Variants in TRMT2A observed in about 807,000 individuals in gnomAD.
The protein encoded by TRMT2A is tRNA (uracil-5-)-methyltransferase homolog A.
Under a neutral mutation model 59.3 loss-of-function variants are expected in TRMT2A, and 60 were observed. The observed-to-expected ratio is 1.01, with a 90% CI of 0.82 to 1.26. TRMT2A has a LOEUF of 1.26. Among genes scored for constraint, TRMT2A ranks in the 50% most tolerant of loss-of-function variants. The probability of loss-of-function intolerance (pLI) is 0.00; values close to 1 mark genes in which losing one functional copy is unlikely to be tolerated. For missense variants in TRMT2A, 863 were observed against 845.2 expected, an observed-to-expected ratio of 1.02 and a Z score of -0.26; for synonymous variants, 403 against 353.7, an observed-to-expected ratio of 1.14 and a Z score of -1.56.
In TRMT2A at chr22:20,114,674, C is replaced by T; in HGVS notation, c.1133G>A (p.Ser378Asn). The change falls in exon 7 of 12, where the codon AGC becomes AAC. Residue 378 changes from serine (S) to asparagine (N), a missense_variant. By Grantham distance (46) the Ser-to-Asn change is conservative. Transcript: ENST00000252136. ...ATGCTCCAGGGGCAGGCCCTCCTGG[C>T]TAGGAGTCTTTCTGTGGGCGAAGGT... ...FVEEGQRKTP[S>N]QEGLPLEHVA... 2 of 1,613,546 alleles carry T rather than the reference C, an allele frequency of 1.2e-6. No homozygotes were observed. The highest frequency in any genetic ancestry group is 1.7e-6 in the Non-Finnish European group (2 of 1,179,998).
chr22:20,114,763 C>A lies in TRMT2A; in HGVS notation c.1119G>T (p.Gln373His). Reference protein sequence around the residue: ...VTCLYFVEEGQRKTPSQEGLP... With the variant: ...VTCLYFVEEGHRKTPSQEGLP... ...CCCGCCCCACTCGGGCTCCTTACCG[C>A]TGTCCCTCCTCCACGAAGTAGAGGC... Residue 373 changes from glutamine to histidine, a missense_variant and splice_region_variant, in exon 6 of 12, where the codon CAG becomes CAT. Gln to His is a conservative substitution (Grantham distance 24, BLOSUM62 0). Coordinates refer to ENST00000252136, the MANE Select transcript of TRMT2A (RefSeq NM_022727.6). The A allele has an allele frequency of 6.2e-7, 1 of 1,612,240 alleles. No homozygotes were observed. Among genetic ancestry groups the A allele is most frequent in the Non-Finnish European group, 8.5e-7 (1 of 1,179,758 alleles).
In TRMT2A at chr22:20,113,475, G is replaced by A. The variant is rs1349751439; in HGVS notation, c.1389C>T (p.Cys463=). ...KVKRVIGVEL[C]PEAVEDARVN... ...CCCGGGCGTCCTCCACAGCCTCTGG[G>A]CATAGCTCGACCCCAATGACCCTCT... The change falls in exon 9 of 12, where the codon TGC becomes TGT. Residue 463 remains cysteine, a synonymous_variant. Coordinates refer to ENST00000252136, the MANE Select transcript of TRMT2A (RefSeq NM_022727.6). The A allele has an allele frequency of 6.2e-7, 1 of 1,613,454 alleles. No individual in the cohort carries two copies. The highest frequency in any genetic ancestry group is 2.2e-5 in the East Asian group (1 of 44,856).
intron 1 of TRMT2A, 62 bp from the exon 2 acceptor site, chr22:20,116,674 G>A: frequency 6.7e-7 from 1 of 1,497,282 alleles, no homozygotes; most frequent in Non-Finnish European, 8.9e-7. Flanking sequence ...GGCCCCCCAA[G>A]CTTCCTTATG....
At chr22:20,113,958 T>C in intron 7 of TRMT2A, 150 bp from the exon 8 acceptor site, 1 of 1,161,904 alleles carries the variant, frequency 8.6e-7, no homozygotes, top group Non-Finnish European at 1.2e-6. Flanking sequence ...TGACCCCACC[T>C]TGGACCAGCC....
In TRMT2A at chr22:20,116,043, A is replaced by C. The variant is rs758633218; in HGVS notation, c.594T>G (p.Leu198=). 1.9e-6 allele frequency: 3 copies of C among 1,554,134 alleles called. No homozygotes were observed. The highest frequency in any genetic ancestry group is 2.6e-6 in the Non-Finnish European group (3 of 1,146,802). Residue 198 remains leucine, a synonymous_variant, in exon 2 of 12, where the codon CTT becomes CTG. Transcript: ENST00000252136. ...QLECEQVLQK[L]AKEIGSTNRA... is the part of the protein sequence containing the mutation. ...CGTCTTGCGCCCACACTCACTTGGC[A>C]AGTTTCTGCAGCACCTGCTCGCACT...
intron 2 of TRMT2A, 76 bp downstream of exon 2, chr22:20,115,962 T>C: frequency 1.3e-6 from 2 of 1,491,070 alleles, no homozygotes; most frequent in East Asian, 4.6e-5. Context: ...GCCTCCCAAC[T>C]GGTGCATGGA....
At chr22:20,115,190 A>C in intron 4 of TRMT2A, 76 bp downstream of exon 4, 1 of 1,581,050 alleles carries the variant, frequency 6.3e-7, no homozygotes, top group African/African-American at 1.3e-5. Context: ...GCACTCCAGA[A>C]TTCCCGGGGC....
In TRMT2A at chr22:20,116,907, C is replaced by A; in HGVS notation, c.-1G>T. 6.3e-7 allele frequency: 1 copy of A among 1,581,566 alleles called. No individual in the cohort carries two copies. Among genetic ancestry groups the A allele is most frequent in the African/African-American group, 1.4e-5 (1 of 73,974 alleles). On this transcript the variant is annotated 5_prime_UTR_variant, in exon 1 of 12. Transcript: ENST00000252136. ...CCTCGTTGTCGAGGTTCTCACTCAT[C>A]GCCCAGGCGGTTCTCCGCCTAGACC...
In TRMT2A at chr22:20,115,350, G is replaced by A. The variant is rs779580149; in HGVS notation, c.806C>T (p.Thr269Met). ...GTCAAACGGGGCTGCCACAGCACAC[G>A]TCCCGCCCTTGTACTTGCCGAGCCG... Reference protein sequence around the residue: ...GCRLGKYKGGTCAVAAPFDTV... With the variant: ...GCRLGKYKGGMCAVAAPFDTV... Residue 269 changes from threonine to methionine, a missense_variant, in exon 4 of 12, where the codon ACG (threonine) becomes ATG (methionine). Transcript: ENST00000252136. The A allele has an allele frequency of 1.2e-5, 20 of 1,612,620 alleles. No individual in the cohort carries two copies. Among genetic ancestry groups the A allele is most frequent in the African/African-American group, 9.3e-5 (7 of 74,884 alleles).
In TRMT2A at chr22:20,116,129, C is replaced by T. The variant is rs200389453; in HGVS notation, c.508G>A (p.Asp170Asn). ...ACTGTCCATAGAGGGGTCACCACGT[C>T]GGCCACTCGTGTTACTGGTGGCTCA... Reference protein sequence around the residue: ...ESEPPVTRVADVVTPLWTVPY... With the variant: ...ESEPPVTRVANVVTPLWTVPY... Residue 170 changes from aspartate to asparagine, a missense_variant, in exon 2 of 12, where the codon GAC becomes AAC. Physicochemically the swap from Asp to Asn is conservative, Grantham distance 23 (BLOSUM62 1). Transcript: ENST00000252136. The T allele has an allele frequency of 7.0e-5, 113 of 1,612,584 alleles. No individual in the cohort carries two copies. Among genetic ancestry groups the T allele is most frequent in the Non-Finnish European group, 8.8e-5 (104 of 1,179,556 alleles).
chr22:20,113,764 G>C lies in TRMT2A; in HGVS notation c.1278C>G (p.Asp426Glu), dbSNP rs1409415655. ...AAEVLYTVIQ[D>E]WAQLDAGSMV... ...TGCTCCCCGCATCCAATTGGGCCCA[G>C]TCCTGGATGACTGTGTAGAGCACCT... The change falls in exon 8 of 12, where the codon GAC (aspartate) becomes GAG (glutamate). Residue 426 changes from aspartate (D) to glutamate (E), a missense_variant. By Grantham distance (45) the Asp-to-Glu change is conservative. Transcript: ENST00000252136. 6.2e-7 allele frequency: 1 copy of C among 1,609,462 alleles called. No homozygotes were observed. The highest frequency in any genetic ancestry group is 8.5e-7 in the Non-Finnish European group (1 of 1,178,636).
At position 20,113,118 on chromosome 22, in the gene TRMT2A, G is replaced by A. The variant is rs749623047; in HGVS notation, c.1549C>T (p.His517Tyr). The change falls in exon 10 of 12, where the codon CAT becomes TAT. Residue 517 changes from histidine to tyrosine, a missense_variant and splice_region_variant. His to Tyr is a moderately conservative substitution (Grantham distance 83). Transcript: ENST00000252136. ...ACCTCCTTAAGCAAAAGCCACTCAC[G>A]CAAGCCAGCACGGGGTGGGTCCAGG... is the stretch of plus-strand genomic sequence containing the variant. ...AILDPPRAGL[H>Y]SKVILAIRRA... 2.5e-6 allele frequency: 4 copies of A among 1,604,820 alleles called. No homozygotes were observed. Among genetic ancestry groups the A allele is most frequent in the Non-Finnish European group, 3.4e-6 (4 of 1,174,462 alleles).
In TRMT2A at chr22:20,116,236, C is replaced by T; in HGVS notation, c.401G>A (p.Trp134Ter). The change falls in exon 2 of 12, where the codon TGG becomes TAG. Residue 134 changes from tryptophan to a stop codon, truncating the protein, a stop_gained. Transcript: ENST00000252136. LOFTEE classifies it high-confidence loss of function. ...KALRVLHGAL[W>*]KGRPLSVRLA... ...GCGCACACTGAGTGGGCGGCCTTTCCAGAGGGCACCATGCAAAACGCGCAG... is the reference window on the plus strand; with the variant it reads ...GCGCACACTGAGTGGGCGGCCTTTCTAGAGGGCACCATGCAAAACGCGCAG... 1 of 1,612,978 alleles carries T rather than the reference C, an allele frequency of 6.2e-7. No individual in the cohort carries two copies. Among genetic ancestry groups the T allele is most frequent in the Non-Finnish European group, 8.5e-7 (1 of 1,180,026 alleles).
At chr22:20,115,119 G>A (rs963191721) in intron 4 of TRMT2A, 40 bp from the exon 5 acceptor site, 15 of 1,567,092 alleles carry the variant, frequency 9.6e-6, no homozygotes, top group Non-Finnish European at 1.1e-5. Context: ...CCACAACTGG[G>A]CAAGCAGTCC....
chr22:20,113,213 TG>T lies in TRMT2A; in HGVS notation c.1453del (p.His485ThrfsTer13). 1 of 1,573,266 alleles carries T rather than the reference TG, an allele frequency of 6.4e-7. No homozygotes were observed. ...CACCAGGTCCTCGGCCCTCCCGCAG[TG>T]GAACTCCACATTACTCAACTCTGAA... is the stretch of plus-strand genomic sequence containing the variant. ...QDNELSNVEF[H>X]CGRAEDLVPT... is the part of the protein sequence containing the mutation. On this transcript the variant is annotated frameshift_variant, in exon 10 of 12. Coordinates refer to ENST00000252136, the MANE Select transcript of TRMT2A (RefSeq NM_022727.6). LOFTEE classifies it high-confidence loss of function.
At chr22:20,116,729 C>T (rs2147968232) in intron 1 of TRMT2A, 117 bp from the exon 2 acceptor site, 1 of 1,417,446 alleles carries the variant, frequency 7.1e-7, no homozygotes, top group Non-Finnish European at 9.6e-7. Context: ...CAGCCCTGCC[C>T]CTCCCCCAGT....
intron 7 of TRMT2A, 54 bp downstream of exon 7, chr22:20,114,520 G>A (rs2049946680): frequency 7.0e-7 from 1 of 1,423,764 alleles, no homozygotes; most frequent in African/African-American, 1.4e-5. Flanking sequence ...CGTCCTGATG[G>A]TGCGTCAGGC....
Position 20,112,563 on chromosome 22 carries a change from C to G in TRMT2A, c.1878G>C (p.Ter626TyrextTer54), listed in dbSNP as rs201281834. The G allele has an allele frequency of 4.6e-5, 75 of 1,613,580 alleles. No individual in the cohort carries two copies. Among genetic ancestry groups the G allele is most frequent in the Non-Finnish European group, 6.2e-5 (73 of 1,179,968 alleles). Residue 626 changes from the stop codon to tyrosine (Y), a stop_lost, in exon 12 of 12, where the codon TAG becomes TAC. Transcript: ENST00000252136. ...CCTGTCCCCATAATGGGTCCTGGGC[C>G]TAGGATGAGGGGAAGGTCCCAGTTT... ...LQETGTFPSS[*>Y] is the part of the protein sequence containing the mutation.
chr22:20,114,633 A>C lies in TRMT2A; in HGVS notation c.1174T>G (p.Cys392Gly), dbSNP rs1602514254. 1 of 1,613,730 alleles carries C rather than the reference A, an allele frequency of 6.2e-7. No homozygotes were observed. The highest frequency in any genetic ancestry group is 1.6e-4 in the Middle Eastern group (1 of 6,062). The change falls in exon 7 of 12, where the codon TGC (cysteine) becomes GGC (glycine). Residue 392 changes from cysteine to glycine, a missense_variant. Physicochemically the swap from Cys to Gly is radical, Grantham distance 159. Transcript: ENST00000252136. ...AGCCCTAGCAGGTCCTCGTGGATGCACCGGTCCCCAGCCACATGCTCCAGG... is the reference window on the plus strand; with the variant it reads ...AGCCCTAGCAGGTCCTCGTGGATGCCCCGGTCCCCAGCCACATGCTCCAGG... ...LPLEHVAGDR[C>G]IHEDLLGLTF... is the part of the protein sequence containing the mutation.
Sources: allele counts gnomAD v4.1 joint callset, GRCh38; gene constraint gnomAD v4.1.1; transcripts MANE v1.5; gene names NCBI Gene and HGNC (gene_info 2026-07-23, HGNC 2026-07-21).